Variants in FAM186B observed in about 807,000 individuals in gnomAD.
FAM186B encodes protein FAM186B.
Under a neutral mutation model 83.4 loss-of-function variants are expected in FAM186B, and 68 were observed. That is an observed-to-expected ratio of 0.81 (90% CI 0.67 to 1.00). The LOEUF is 1.00. Among genes scored for constraint, FAM186B ranks in the 50% least tolerant of loss-of-function variants. The pLI is 0.00. For synonymous variants in FAM186B, 389 were observed against 422.0 expected (o/e 0.92, Z 0.96); for missense variants, 983 against 1,099.2 (o/e 0.89, Z 1.49).
At chr12:49,606,445 T>C (rs1236589030), upstream of FAM186B, among the ~76,000 whole-genome samples, 1 of 151,292 alleles carries the variant, frequency 6.6e-6, no homozygotes, top group Non-Finnish European at 1.5e-5. Context: ...CAGTGAGCCA[T>C]GTTCACGCCA....
chr12:49,604,748 C>T, intron 1 of FAM186B: 2 of 495,978 alleles, frequency 4.0e-6, no homozygotes, highest in Non-Finnish European at 7.1e-6. Flanking sequence ...TAGTACCTGG[C>T]ACATTACACA....
chr12:49,595,959 G>C (rs1363621344), intron 5 of FAM186B, among the ~76,000 whole-genome samples: 1 of 152,210 alleles, frequency 6.6e-6, no homozygotes, highest in Non-Finnish European at 1.5e-5. Flanking sequence ...ACTCCAGCCT[G>C]GGCGACAGAG....
rs758098194 is a variant in FAM186B at position 49,599,606 on chromosome 12, C to T, written c.2034G>A (p.Glu678=). The part of the protein sequence containing the change: ...AQRKNLQLLS[E]ESELRLPHYL... The stretch of plus-strand genomic sequence containing the variant: ...AGTGGGGCAGCCTCAACTCAGACTC[C>T]TCACTCAGGAGCTGCAGGTTCTTCC... The change falls in exon 4 of 7, where the codon GAG becomes GAA. Residue 678 remains glutamate (E), a synonymous_variant. Transcript: ENST00000257894. 11 of 1,612,112 alleles carry T rather than the reference C, an allele frequency of 6.8e-6. No homozygotes were observed. The South Asian group carries it at 1.2e-4, about 18-fold the overall frequency.
intron 2 of FAM186B, 122 bp from the exon 3 acceptor site, chr12:49,603,489 A>G: frequency 2.1e-6 from 2 of 940,164 alleles, no homozygotes; most frequent in South Asian, 1.7e-5. Flanking sequence ...CTTACTAGCT[A>G]TGTGATGTTG....
rs2138315486 is a variant in FAM186B, at chr12:49,605,481, G to A, written c.-4C>T. 6.2e-7 allele frequency: 1 copy of A among 1,612,250 alleles called. No individual in the cohort carries two copies. The highest frequency in any genetic ancestry group is 1.1e-5 in the South Asian group (1 of 90,466). ...GTGGGGGGTCATCCTTCTCCATTTT[G>A]GATCACTCTGTCAGTCACAAAACAT... On this transcript the variant is annotated 5_prime_UTR_variant, in exon 1 of 7. Coordinates refer to ENST00000257894, the MANE Select transcript of FAM186B (RefSeq NM_032130.3).
Position 49,587,633 on chromosome 12 carries a change from A to G in FAM186B, c.2654T>C (p.Ile885Thr). 1.2e-6 allele frequency: 2 copies of G among 1,613,312 alleles called. No individual in the cohort carries two copies. Among genetic ancestry groups the G allele is most frequent in the South Asian group, 2.2e-5 (2 of 91,064 alleles). The part of the protein sequence containing the change: ...PRDQLRGHPD[I>T]PRLLTLDV ...CACGTCCAGTGTCAACAGCCGGGGA[A>G]TATCTGGGTGTCCCCTCAGCTGGTC... Residue 885 changes from isoleucine (I) to threonine (T), a missense_variant, in exon 7 of 7, where the codon ATT becomes ACT. Physicochemically the swap from Ile to Thr is moderately conservative, Grantham distance 89. Coordinates refer to ENST00000257894, the MANE Select transcript of FAM186B (RefSeq NM_032130.3).
intron 5 of FAM186B, 138 bp downstream of exon 5, chr12:49,598,617 C>T: frequency 1.3e-6 from 1 of 781,054 alleles, no homozygotes; most frequent in Non-Finnish European, 2.0e-6. Flanking sequence ...GAGGCTTTAT[C>T]CTGCCTTCTC....
At chr12:49,603,999 T>C (rs1285878936) in intron 2 of FAM186B, among the ~76,000 whole-genome samples, 1 of 152,226 alleles carries the variant, frequency 6.6e-6, no homozygotes, top group Non-Finnish European at 1.5e-5. Context: ...GTAAAGGTCA[T>C]TCAGTGCTTT....
chr12:49,609,268 C>T (rs1474569553), upstream of FAM186B, among the ~76,000 whole-genome samples: 1 of 152,124 alleles, frequency 6.6e-6, no homozygotes, highest in Non-Finnish European at 1.5e-5. Flanking sequence ...GATCATGGTG[C>T]AGTGGGGCCC....
upstream of FAM186B, among the ~76,000 whole-genome samples, chr12:49,609,114 C>T (rs1342247159): frequency 2.0e-5 from 3 of 152,204 alleles, no homozygotes; most frequent in Non-Finnish European, 4.4e-5. Context: ...GCAATGTGCT[C>T]TTCCCTGTCA....
chr12:49,587,862 A>G (rs1939484788), intron 6 of FAM186B, 110 bp from the exon 7 acceptor site: 1 of 1,226,174 alleles, frequency 8.2e-7, no homozygotes, highest in Non-Finnish European at 1.1e-6. Flanking sequence ...TCCCTTCTCA[A>G]ATCGAGTGTG....
chr12:49,600,255 T>C lies in FAM186B; in HGVS notation c.1385A>G (p.Gln462Arg), dbSNP rs760890443. ...CTGCCTGGAGCTCTCTAGAGACAGC[T>C]GCTTGCTACAGTGGAACTTAATTTG... is the stretch of plus-strand genomic sequence containing the variant. ...GLQIKFHCSK[Q>R]LSLESSRQVT... The change falls in exon 4 of 7, where the codon CAG (glutamine) becomes CGG (arginine). Residue 462 changes from glutamine (Q) to arginine (R), a missense_variant. Physicochemically the swap from Gln to Arg is conservative, Grantham distance 43. Coordinates refer to ENST00000257894, the MANE Select transcript of FAM186B (RefSeq NM_032130.3). This position sits in a 1 kb window ranked among gnomAD's most constrained non-coding sequence, Gnocchi z 4.3. The C allele has an allele frequency of 6.2e-7, 1 of 1,614,082 alleles. No individual in the cohort carries two copies. Among genetic ancestry groups the C allele is most frequent in the Non-Finnish European group, 8.5e-7 (1 of 1,179,968 alleles).
the FAM186B span, among the ~76,000 whole-genome samples, chr12:49,622,465 C>A: frequency 6.6e-6 from 1 of 152,180 alleles, no homozygotes; most frequent in South Asian, 2.1e-4. Context: ...CCTGATTGTG[C>A]CACTGCACTC....
At chr12:49,619,665 CTCT>C in the FAM186B span, 30 of 222,128 alleles carry the variant, frequency 1.4e-4, no homozygotes, top group South Asian at 2.7e-4. Context: ...AGTTAGACAT[CTCT>C]TTTTTTTTTT....
the FAM186B span, among the ~76,000 whole-genome samples, chr12:49,620,162 T>C: frequency 6.6e-6 from 1 of 152,272 alleles, no homozygotes; most frequent in African/African-American, 2.4e-5. Flanking sequence ...AAAAGAAACA[T>C]GTCACCTAAA....
At chr12:49,622,753 G>A in the FAM186B span, 4 of 152,340 alleles carry the variant, frequency 2.6e-5, no homozygotes, top group Admixed American at 6.5e-5. Flanking sequence ...GGAATAAAGG[G>A]AACAGGAAGC....
Position 49,600,071 on chromosome 12 carries a change from C to A in FAM186B, c.1569G>T (p.Leu523=). The change falls in exon 4 of 7, where the codon CTG becomes CTT. Residue 523 remains leucine, a synonymous_variant. Transcript: ENST00000257894. This position sits in a 1 kb window ranked among gnomAD's most constrained non-coding sequence, Gnocchi z 4.3. The part of the protein sequence containing the change: ...EHQEKLRQWN[L]EDLAREQQRR... ...GCTGTTGCTCCCTGGCCAGGTCTTC[C>A]AGATTCCACTGCCGCAGCTTCTCCT... 6.2e-7 allele frequency: 1 copy of A among 1,607,144 alleles called. No homozygotes were observed. Among genetic ancestry groups the A allele is most frequent in the South Asian group, 1.1e-5 (1 of 89,964 alleles).
chr12:49,607,624 T>C (rs879304066), upstream of FAM186B, among the ~76,000 whole-genome samples: 7 of 152,216 alleles, frequency 4.6e-5, no homozygotes, highest in Admixed American at 1.3e-4. Context: ...TACGGTTCTA[T>C]AAAAACTCTT....
In FAM186B at chr12:49,600,197, C is replaced by T. The variant is rs757007321; in HGVS notation, c.1443G>A (p.Glu481=). The T allele has an allele frequency of 6.2e-7, 1 of 1,612,450 alleles. No individual in the cohort carries two copies. Among genetic ancestry groups the T allele is most frequent in the South Asian group, 1.1e-5 (1 of 90,950 alleles). ...VTSESQEEPW[E]EEFGREMRRQ... is the part of the protein sequence containing the mutation. ...TCCGCATCTCCCGGCCGAATTCCTC[C>T]TCCCAGGGCTCCTCTTGGCTCTCAG... Residue 481 remains glutamate (E), a synonymous_variant, in exon 4 of 7, where the codon GAG becomes GAA. Transcript: ENST00000257894. This position sits in a 1 kb window ranked among gnomAD's most constrained non-coding sequence, Gnocchi z 4.3.
Sources: gnomAD v4.1 joint callset for allele counts (sites outside exome capture counted in the v4.1 genomes callset) on GRCh38, gnomAD v4.1.1 for gene constraint, Gnocchi (gnomAD v3.1) non-coding constraint, MANE v1.5 for transcripts, NCBI Gene and HGNC (gene_info 2026-07-23, HGNC 2026-07-21) for gene names.